The following MALRD1 variants were observed in gnomAD, a reference collection of about 807,000 sequenced individuals.
The protein encoded by MALRD1 is MAM and LDL-receptor class A domain-containing protein 1.
In MALRD1, 247 loss-of-function variants were observed where a neutral mutation model predicts 242.1. The observed-to-expected ratio is 1.02, with a 90% confidence interval of 0.92 to 1.13. MALRD1 has a LOEUF of 1.13. Ranked by LOEUF, MALRD1 falls within the 50% of genes most tolerant of loss-of-function variation. The probability of loss-of-function intolerance (pLI) is 0.00; values close to 1 mark genes in which losing one functional copy is unlikely to be tolerated. For missense variants in MALRD1, 2,989 were observed against 2,533.1 expected (o/e 1.18, Z -3.86); for synonymous variants, 995 against 866.6 (o/e 1.15, Z -2.60).
chr10:19,238,628 T>C (rs1025229552), intron 18 of MALRD1, among the ~76,000 whole-genome samples: 1 of 138,232 alleles, frequency 7.2e-6, no homozygotes, highest in South Asian at 2.2e-4. Context: ...CACAGGTTGA[T>C]TCCATATCTG....
At chr10:19,545,719 A>G (rs960930052) in intron 32 of MALRD1, among the ~76,000 whole-genome samples, 33 of 152,222 alleles carry the variant, frequency 2.2e-4, no homozygotes, top group Admixed American at 1.4e-3. Context: ...TTGCTTGGTT[A>G]TCTCCTTCAA....
At chr10:19,350,752 C>T (rs1844338366) in intron 25 of MALRD1, among the ~76,000 whole-genome samples, 1 of 152,158 alleles carries the variant, frequency 6.6e-6, no homozygotes, top group Non-Finnish European at 1.5e-5. Context: ...AAAACATATG[C>T]CTCATATTTG....
chr10:19,379,031 AT>A (rs1329907256), intron 26 of MALRD1, among the ~76,000 whole-genome samples: 3 of 151,914 alleles, frequency 2.0e-5, no homozygotes, highest in African/African-American at 7.3e-5. Flanking sequence ...GGATTTGGTA[AT>A]TTGTTTTTGA....
chr10:19,730,165 C>T (rs1389664606), intron 38 of MALRD1, among the ~76,000 whole-genome samples: 3 of 152,162 alleles, frequency 2.0e-5, no homozygotes, highest in African/African-American at 7.2e-5. Context: ...TTTTGAGTTT[C>T]ATGAAACACT....
Position 19,209,347 on chromosome 10 carries a change from G to A in MALRD1, c.2658G>A (p.Arg886=). 6.4e-7 allele frequency: 1 copy of A among 1,550,696 alleles called. No individual in the cohort carries two copies. Among genetic ancestry groups the A allele is most frequent in the Non-Finnish European group, 8.7e-7 (1 of 1,147,008 alleles). ...QDAKDDFDWT[R]SQGPTPTLNT... is the part of the protein sequence containing the mutation. ...CAAAAGATGACTTTGATTGGACCAG[G>A]AGCCAGGGTCCAACTCCAACACTTA... The change falls in exon 18 of 40, where the codon AGG becomes AGA. Residue 886 remains arginine (R), a synonymous_variant. Transcript: ENST00000454679.
At chr10:19,326,625 A>G (rs1411113782) in intron 22 of MALRD1, among the ~76,000 whole-genome samples, 1 of 152,042 alleles carries the variant, frequency 6.6e-6, no homozygotes, top group Non-Finnish European at 1.5e-5. Flanking sequence ...TTTGAATTTT[A>G]TAGACTGATC....
chr10:19,681,235 T>C (rs1589393357), intron 36 of MALRD1, among the ~76,000 whole-genome samples: 1 of 152,190 alleles, frequency 6.6e-6, no homozygotes, highest in East Asian at 1.9e-4. Context: ...TCCTGGATGA[T>C]ATCGTGAAGT....
chr10:19,168,279 A>G (rs1834784845), intron 13 of MALRD1, among the ~76,000 whole-genome samples: 1 of 152,200 alleles, frequency 6.6e-6, no homozygotes, highest in Non-Finnish European at 1.5e-5. Context: ...TTTGGTGTCA[A>G]TCTCCATTGC....
At chr10:19,279,697 G>T (rs1293458093) in intron 19 of MALRD1, among the ~76,000 whole-genome samples, 1 of 152,218 alleles carries the variant, frequency 6.6e-6, no homozygotes, top group African/African-American at 2.4e-5. Context: ...AAATTAGAAA[G>T]TTATTTAGAT....
At chr10:19,436,783 G>A (rs890378595) in intron 28 of MALRD1, among the ~76,000 whole-genome samples, 4 of 152,018 alleles carry the variant, frequency 2.6e-5, no homozygotes, top group African/African-American at 9.7e-5. Context: ...CTTTTTAAAT[G>A]GCTTACTTTT....
At chr10:19,140,904 A>G (rs982703915) in intron 10 of MALRD1, among the ~76,000 whole-genome samples, 2 of 152,196 alleles carry the variant, frequency 1.3e-5, no homozygotes, top group African/African-American at 2.4e-5. Flanking sequence ...ACTGTATTGT[A>G]TACTTGAAAT....
intron 11 of MALRD1, among the ~76,000 whole-genome samples, chr10:19,154,038 A>T (rs778704451): frequency 1.3e-5 from 2 of 152,196 alleles, no homozygotes; most frequent in African/African-American, 2.4e-5. Context: ...ACCTTTTCCC[A>T]TTCTTTTCCT....
chr10:19,499,105 A>G (rs1258167834), intron 31 of MALRD1, among the ~76,000 whole-genome samples: 2 of 152,166 alleles, frequency 1.3e-5, no homozygotes, highest in Non-Finnish European at 2.9e-5. Flanking sequence ...GTAAGTGGTG[A>G]TGGAATGAGT....
chr10:19,254,737 A>G lies in MALRD1; in HGVS notation c.2992-2947A>G, dbSNP rs530906481. 8.5e-5 allele frequency among the ~76,000 whole-genome samples: 13 copies of G among 152,058 alleles called. No homozygotes were observed. The South Asian group carries it at 2.7e-3, about 32-fold the overall frequency. ...ATAAATTTATAATATATCTGAAAAT[A>G]CATTATAGTTATAAAACATACCAAT... On this transcript the variant is annotated intron_variant, in intron 18 of 39. Transcript: ENST00000454679.
intron 34 of MALRD1, among the ~76,000 whole-genome samples, chr10:19,601,045 T>A (rs1005317281): frequency 2.0e-5 from 3 of 151,978 alleles, no homozygotes; most frequent in Non-Finnish European, 4.4e-5. Context: ...GTCTGGCTAA[T>A]TTTTTAAAAC....
At chr10:19,239,961 G>A (rs1225351069) in intron 18 of MALRD1, among the ~76,000 whole-genome samples, 2 of 152,032 alleles carry the variant, frequency 1.3e-5, no homozygotes, top group Non-Finnish European at 1.5e-5. Context: ...TTTTTGCACA[G>A]GATTGCTTTG....
intron 19 of MALRD1, among the ~76,000 whole-genome samples, chr10:19,271,031 A>G (rs1840210515): frequency 6.6e-6 from 1 of 152,194 alleles, no homozygotes; most frequent in African/African-American, 2.4e-5. Flanking sequence ...GAATGTTTAT[A>G]TACTGCTGGG....
At chr10:19,454,389 G>T (rs1165563772) in intron 29 of MALRD1, among the ~76,000 whole-genome samples, 2 of 82,626 alleles carry the variant, frequency 2.4e-5, no homozygotes, top group African/African-American at 5.3e-5. Context: ...AATGAGGAAA[G>T]GTAGATTATG....
intron 21 of MALRD1, among the ~76,000 whole-genome samples, chr10:19,290,061 G>C (rs1841334554): frequency 6.6e-6 from 1 of 152,148 alleles, no homozygotes; most frequent in Non-Finnish European, 1.5e-5. Context: ...AGTATGGTAG[G>C]AATATGTAGG....
Sources: gnomAD v4.1 joint callset for allele counts (sites outside exome capture counted in the v4.1 genomes callset) on GRCh38, gnomAD v4.1.1 for gene constraint, MANE v1.5 for transcripts, NCBI Gene and HGNC (gene_info 2026-07-23, HGNC 2026-07-21) for gene names.